PTPRN2: variants seen among roughly 807,000 people sequenced by gnomAD.
PTPRN2 encodes protein tyrosine phosphatase receptor type N2.
Under a neutral mutation model 118.8 loss-of-function variants are expected in PTPRN2, and 74 were observed. The observed-to-expected ratio is 0.62, with a 90% confidence interval of 0.52 to 0.76. The LOEUF is 0.76. Among genes scored for constraint, PTPRN2 ranks in the 30% least tolerant of loss-of-function variants. The pLI is 0.00. For synonymous variants in PTPRN2, 641 were observed against 608.0 expected, an observed-to-expected ratio of 1.05 and a Z score of -0.80; for missense variants, 1,481 against 1,394.4, an observed-to-expected ratio of 1.06 and a Z score of -0.99.
chr7:157,541,542 A>T (rs985337166), intron 22 of PTPRN2, among the ~76,000 whole-genome samples: 1 of 152,250 alleles, frequency 6.6e-6, no homozygotes. Context: ...TCTCCCACAG[A>T]TGAGGTGGAT....
At chr7:158,131,556 G>A (rs1447463095) in intron 9 of PTPRN2, among the ~76,000 whole-genome samples, 27 of 126,820 alleles carry the variant, frequency 2.1e-4, no homozygotes, top group African/African-American at 8.2e-4. Flanking sequence ...CATACAAACT[G>A]ATACACAGCT....
At chr7:158,332,386 A>T (rs1804662209) in intron 2 of PTPRN2, among the ~76,000 whole-genome samples, 1 of 129,368 alleles carries the variant, frequency 7.7e-6, no homozygotes, top group Non-Finnish European at 1.8e-5. Flanking sequence ...TGACACCTGC[A>T]GATGTCACTC....
intron 5 of PTPRN2, among the ~76,000 whole-genome samples, chr7:158,168,294 G>A (rs898369284): frequency 4.6e-5 from 7 of 152,280 alleles, no homozygotes; most frequent in Admixed American, 2.6e-4. Context: ...TCCTTTGCAC[G>A]GCAGCTCGGA....
intron 5 of PTPRN2, among the ~76,000 whole-genome samples, chr7:158,171,346 T>TATAC (rs201031480): frequency 8.5e-6 from 1 of 117,632 alleles, no homozygotes; most frequent in Non-Finnish European, 1.6e-5. Flanking sequence ...TATATATATA[T>TATAC]ATACACACAC....
chr7:158,409,704 A>T (rs1813882559), intron 2 of PTPRN2, among the ~76,000 whole-genome samples: 1 of 152,138 alleles, frequency 6.6e-6, no homozygotes, highest in Non-Finnish European at 1.5e-5. Flanking sequence ...CTCACCTGCC[A>T]GGGAAGGGGC....
chr7:158,001,197 G>A (rs1242452971), intron 11 of PTPRN2, among the ~76,000 whole-genome samples: 2 of 125,290 alleles, frequency 1.6e-5, no homozygotes, highest in African/African-American at 6.1e-5. Flanking sequence ...GGCTGGGGTC[G>A]GGCCGCAGGC....
At position 158,570,153 on chromosome 7, in the gene PTPRN2, C is replaced by T. The variant is rs923473991; in HGVS notation, c.112+17405G>A. Among the ~76,000 whole-genome samples the T allele has an allele frequency of 1.3e-5, 2 of 152,178 alleles. No individual in the cohort carries two copies. The highest frequency in any genetic ancestry group is 4.8e-5 in the African/African-American group (2 of 41,464). On this transcript the variant is annotated intron_variant, in intron 1 of 22. Transcript: ENST00000389418. The surrounding 1 kb of genome is among the most constrained non-coding windows in gnomAD (Gnocchi z 4.5). ...CTCTCCGCGGAGCCGTCTCCAACCC[C>T]TGCAGGCCGACCTGGGCAGCCAGGC...
In PTPRN2 at chr7:158,310,871, T is replaced by TCCCACGGAGGGCGAGCCCTGAGCCG. The variant is rs1563117017; in HGVS notation, c.277+5947_277+5948insCGGCTCAGGGCTCGCCCTCCGTGGG. On this transcript the variant is annotated intron_variant, in intron 3 of 22. Transcript: ENST00000389418. ...TCCCACGGAGGGCGAGCCCTGAGCC[T>TCCCACGGAGGGCGAGCCCTGAGCCG]GACAGAGCGCGAGTCACACGGAGGG... 3.9e-4 allele frequency among the ~76,000 whole-genome samples: 4 copies of TCCCACGGAGGGCGAGCCCTGAGCCG among 10,230 alleles called. 2 individuals are homozygous for TCCCACGGAGGGCGAGCCCTGAGCCG. Among genetic ancestry groups the TCCCACGGAGGGCGAGCCCTGAGCCG allele is most frequent in the Non-Finnish European group, 1.1e-3 (4 of 3,702 alleles). 6.7% of individuals were successfully genotyped at this position (10,230 alleles called of 152,430 possible).
intron 10 of PTPRN2, among the ~76,000 whole-genome samples, chr7:158,092,173 G>C (rs1302274774): frequency 6.6e-6 from 1 of 150,686 alleles, no homozygotes; most frequent in East Asian, 2.0e-4. Flanking sequence ...GGAGGGCAGA[G>C]ATATATATAC....
chr7:158,073,414 T>C lies in PTPRN2; in HGVS notation c.1723+7884A>G, dbSNP rs536292187. Among the ~76,000 whole-genome samples, 7 of 152,302 alleles carry C rather than the reference T, an allele frequency of 4.6e-5. No homozygotes were observed. The South Asian group carries it at 1.4e-3, about 32-fold the overall frequency. ...CCATGCGTTGGCTTCAGGGCCGCAC[T>C]GGCCTCTCCCTGCAGGCTCCAAGTG... On this transcript the variant is annotated intron_variant, in intron 11 of 22. Coordinates refer to ENST00000389418, the MANE Select transcript of PTPRN2 (RefSeq NM_002847.5).
chr7:157,612,159 C>A (rs1364312132), intron 15 of PTPRN2, among the ~76,000 whole-genome samples: 1 of 152,208 alleles, frequency 6.6e-6, no homozygotes, highest in Non-Finnish European at 1.5e-5. Flanking sequence ...ACGGAGAAAG[C>A]GCCGCCTGGA....
At chr7:157,928,061 G>T (rs1011974029) in intron 11 of PTPRN2, among the ~76,000 whole-genome samples, 1 of 152,184 alleles carries the variant, frequency 6.6e-6, no homozygotes, top group African/African-American at 2.4e-5. Flanking sequence ...ATGACAGGTG[G>T]CATTTATAGA....
rs146622851 is a variant in PTPRN2 at position 157,593,786 on chromosome 7, A to C, written c.2496+1452T>G. Among the ~76,000 whole-genome samples, 402 of 152,304 alleles carry C rather than the reference A, an allele frequency of 2.6e-3. 3 individuals carry two copies. The highest frequency in any genetic ancestry group is 9.2e-3 in the African/African-American group (382 of 41,564). ...CCCCAGGGTGCCATCTTCTCTGGGA[A>C]AGGCATGTTCTCACCGGGCTGGGCG... On this transcript the variant is annotated intron_variant, in intron 17 of 22. Transcript: ENST00000389418.
intron 1 of PTPRN2, among the ~76,000 whole-genome samples, chr7:158,522,187 GA>G (rs1824200793): frequency 2.3e-5 from 2 of 86,854 alleles, no homozygotes. Flanking sequence ...ACTGGCTCGG[GA>G]GGGAGGTCCA....
chr7:158,244,969 C>T (rs1796124142), intron 3 of PTPRN2, among the ~76,000 whole-genome samples: 1 of 152,202 alleles, frequency 6.6e-6, no homozygotes, highest in South Asian at 2.1e-4. Flanking sequence ...TGAGCGAGGC[C>T]AGCAGTTCGA....
chr7:158,356,151 A>G lies in PTPRN2; in HGVS notation c.164-39219T>C, dbSNP rs544375409. ...AGTTTTCACAGTTGGGATAAAGGAC[A>G]TCCAATGTAAAAGACTGCCATTTCT... On this transcript the variant is annotated intron_variant, in intron 2 of 22. Coordinates refer to ENST00000389418, the MANE Select transcript of PTPRN2 (RefSeq NM_002847.5). Among the ~76,000 whole-genome samples, 6 of 152,374 alleles carry G rather than the reference A, an allele frequency of 3.9e-5. No homozygotes were observed. The South Asian group carries it at 1.2e-3, about 32-fold the overall frequency.
intron 12 of PTPRN2, among the ~76,000 whole-genome samples, chr7:157,847,068 T>A (rs1247152069): frequency 1.3e-4 from 16 of 126,998 alleles, no homozygotes; most frequent in African/African-American, 4.7e-4. Context: ...TCATTACATC[T>A]TCTGTGCCCG....
Position 158,441,273 on chromosome 7 carries a change from A to G in PTPRN2, c.163+48462T>C, listed in dbSNP as rs1331946520. ...GATGGTGATGGTGATGGTGATAGTG[A>G]TGGTGATGGTGGTGGTGGTGATGGT... On this transcript the variant is annotated intron_variant, in intron 2 of 22. Coordinates refer to ENST00000389418, the MANE Select transcript of PTPRN2 (RefSeq NM_002847.5). Among the ~76,000 whole-genome samples, 15 of 67,162 alleles carry G rather than the reference A, an allele frequency of 2.2e-4. 2 individuals are homozygous for G. In the East Asian group the frequency reaches 8.4e-3, roughly 37 times the overall value. The allele number at this position is 67,162 out of a possible 152,430, so 44.1% of individuals were successfully genotyped here.
intron 3 of PTPRN2, among the ~76,000 whole-genome samples, chr7:158,245,356 G>A (rs1292134361): frequency 2.6e-5 from 4 of 152,264 alleles, no homozygotes; most frequent in African/African-American, 4.8e-5. Context: ...CGTGACCCAC[G>A]ATGGGAAAAG....
Sources: gnomAD v4.1 joint callset for allele counts (sites outside exome capture counted in the v4.1 genomes callset) on GRCh38, gnomAD v4.1.1 for gene constraint, Gnocchi (gnomAD v3.1) non-coding constraint, MANE v1.5 for transcripts, NCBI Gene and HGNC (gene_info 2026-07-23, HGNC 2026-07-21) for gene names.